MED14: variants seen among roughly 807,000 people sequenced by gnomAD.
MED14 encodes mediator complex subunit 14.
A neutral mutation model predicts 109.0 loss-of-function variants in MED14; 8 were observed. That is an observed-to-expected ratio of 0.07 (90% CI 0.04 to 0.13). MED14 has a LOEUF of 0.13. Ranked by LOEUF, MED14 falls within the 10% of genes least tolerant of loss-of-function variation. MED14 has a pLI of 1.00. For missense variants in MED14, 711 were observed against 1,142.4 expected (o/e 0.62, Z 5.44); for synonymous variants, 399 against 408.7 (o/e 0.98, Z 0.29).
rs763241634 is a variant in MED14, at chrX:40,651,334, C to G, written c.*472G>C. ...TCCTTGGGGTGTGTTTATAACAACT[C>G]CCAGAACATTTCATGTAAGGATTCA... On this transcript the variant is annotated 3_prime_UTR_variant, in exon 31 of 31. Transcript: ENST00000324817. 15 of 749,322 alleles carry G rather than the reference C, an allele frequency of 2.0e-5. No homozygotes were observed. In the South Asian group the frequency reaches 6.8e-4, roughly 34 times the overall value. 61.8% of individuals were successfully genotyped at this position (749,322 alleles called of 1,213,427 possible).
At chrX:40,714,860 A>C in intron 3 of MED14, 150 bp from the exon 4 acceptor site, 1 of 492,078 alleles carries the variant, frequency 2.0e-6, no homozygotes, top group Non-Finnish European at 3.2e-6. Context: ...TTCTCCAGTA[A>C]CTTGAAGAAG....
intron 16 of MED14, 124 bp downstream of exon 16, chrX:40,688,330 A>G: frequency 2.1e-6 from 1 of 482,817 alleles, no homozygotes; most frequent in Non-Finnish European, 3.7e-6. Context: ...TAGTAACTCT[A>G]TGCAGAAATC....
At chrX:40,701,345 G>A (rs914759823) in intron 11 of MED14, 102 bp from the exon 12 acceptor site, 1 of 505,838 alleles carries the variant, frequency 2.0e-6, no homozygotes. Flanking sequence ...TATTGTTTAA[G>A]GCAGAAAATC....
intron 26 of MED14, among the ~76,000 whole-genome samples, chrX:40,662,568 G>A (rs1008540779): frequency 2.4e-4 from 26 of 110,599 alleles, no homozygotes; most frequent in African/African-American, 7.6e-4. Context: ...CAGCCTCCCC[G>A]CACGGGCACT....
In MED14 at chrX:40,679,582, T is replaced by C. The variant is rs780461329; in HGVS notation, c.2880+282A>G. Among the ~76,000 whole-genome samples the C allele has an allele frequency of 2.4e-4, 27 of 112,134 alleles. No individual in the cohort carries two copies. The South Asian group carries it at 1.0e-2, about 41-fold the overall frequency. On this transcript the variant is annotated intron_variant, in intron 21 of 30. Coordinates refer to ENST00000324817, the MANE Select transcript of MED14 (RefSeq NM_004229.4). The stretch of plus-strand genomic sequence containing the variant: ...TCAATGATAAAAACTACTTTTAAAG[T>C]TCCAAAGACCAAACACAAATTGTTT...
intron 13 of MED14, 105 bp from the exon 14 acceptor site, chrX:40,693,007 G>T: frequency 6.4e-6 from 3 of 472,168 alleles, no homozygotes; most frequent in Non-Finnish European, 6.1e-6. Context: ...TAATGTAGAT[G>T]TCTTAAAAAA....
intron 30 of MED14, among the ~76,000 whole-genome samples, chrX:40,652,143 GTT>G (rs1928902493): frequency 8.9e-6 from 1 of 112,290 alleles, no homozygotes; most frequent in East Asian, 2.8e-4. Context: ...TAGAGTTTCT[GTT>G]TAGAAACACT....
chrX:40,682,065 T>C (rs996040241), intron 18 of MED14, 122 bp from the exon 19 acceptor site: 5 of 359,342 alleles, frequency 1.4e-5, no homozygotes, highest in African/African-American at 1.1e-4. Flanking sequence ...TTAAGTAATT[T>C]AGTTTTTTAA....
At chrX:40,698,669 C>T (rs989011955) in intron 12 of MED14, among the ~76,000 whole-genome samples, 3 of 111,612 alleles carry the variant, frequency 2.7e-5, no homozygotes, top group African/African-American at 9.7e-5. Context: ...AATAGATGCT[C>T]AACATCATTA....
At chrX:40,721,305 C>A (rs1326499652) in intron 3 of MED14, among the ~76,000 whole-genome samples, 1 of 111,224 alleles carries the variant, frequency 9.0e-6, no homozygotes, top group African/African-American at 3.3e-5. Context: ...GTATTCACCA[C>A]AAGCTGACTG....
intron 12 of MED14, among the ~76,000 whole-genome samples, chrX:40,697,557 T>C (rs1192586920): frequency 8.9e-6 from 1 of 112,093 alleles, no homozygotes; most frequent in African/African-American, 3.2e-5. Context: ...ATGTGTGAAG[T>C]GTGTAGTATA....
intron 24 of MED14, among the ~76,000 whole-genome samples, chrX:40,665,540 A>C (rs898352952): frequency 9.0e-6 from 1 of 110,922 alleles, no homozygotes; most frequent in African/African-American, 3.3e-5. Context: ...CTCAAAAAAA[A>C]CAAAACAAAA....
chrX:40,719,409 T>A (rs1249416370), intron 3 of MED14, among the ~76,000 whole-genome samples: 1 of 111,870 alleles, frequency 8.9e-6, no homozygotes, highest in Non-Finnish European at 1.9e-5. Flanking sequence ...CCCAAATGCC[T>A]ATTAACTGAT....
At chrX:40,663,799 T>C (rs1929375889) in intron 25 of MED14, among the ~76,000 whole-genome samples, 1 of 112,629 alleles carries the variant, frequency 8.9e-6, no homozygotes, top group East Asian at 2.8e-4. Context: ...TTCTCTGTTA[T>C]TATGTGTGAT....
At chrX:40,703,642 G>A (rs934604320) in intron 10 of MED14, 73 bp from the exon 11 acceptor site, 1 of 853,067 alleles carries the variant, frequency 1.2e-6, no homozygotes, top group Admixed American at 4.2e-5. Context: ...CAATCAATGA[G>A]TACAAACAAA....
chrX:40,686,946 C>G (rs1294606400), intron 16 of MED14, among the ~76,000 whole-genome samples: 1 of 93,411 alleles, frequency 1.1e-5, no homozygotes, highest in Non-Finnish European at 2.0e-5. Flanking sequence ...TCTTTTGGCT[C>G]CTCGTCCTTT....
chrX:40,706,853 A>G (rs981875775), intron 10 of MED14, among the ~76,000 whole-genome samples: 1 of 112,374 alleles, frequency 8.9e-6, no homozygotes, highest in African/African-American at 3.2e-5. Context: ...AGATGATACT[A>G]AAGTAAACCA....
rs141756077 is a variant in MED14, at chrX:40,675,366, G to A, written c.2881-5C>T. The A allele has an allele frequency of 1.1e-5, 13 of 1,142,004 alleles. No homozygotes were observed. The East Asian group carries it at 3.5e-4, about 31-fold the overall frequency. 94.1% of individuals were successfully genotyped at this position (1,142,004 alleles called of 1,213,427 possible). ...AACAAACATATTCAGGAACGTCTAC[G>A]GATATAAACAGGTAAAATTTAGATT... On this transcript the variant is annotated splice_polypyrimidine_tract_variant and splice_region_variant and intron_variant, in intron 21 of 30. Coordinates refer to ENST00000324817, the MANE Select transcript of MED14 (RefSeq NM_004229.4).
intron 12 of MED14, among the ~76,000 whole-genome samples, chrX:40,699,786 C>T (rs1375143068): frequency 1.8e-5 from 2 of 111,310 alleles, no homozygotes; most frequent in Admixed American, 1.9e-4. Flanking sequence ...TTTTCACATA[C>T]AGATACACTA....
Sources: allele counts gnomAD v4.1 joint callset (sites outside exome capture counted in the v4.1 genomes callset), GRCh38; gene constraint gnomAD v4.1.1; transcripts MANE v1.5; gene names NCBI Gene and HGNC (gene_info 2026-07-23, HGNC 2026-07-21).